Variants in KHDRBS2 observed in about 807,000 individuals in gnomAD.
The protein encoded by KHDRBS2 is KH RNA binding domain containing, signal transduction associated 2.
A neutral mutation model predicts 44.3 loss-of-function variants in KHDRBS2; 26 were observed. The ratio of observed to expected loss-of-function variants is 0.59; its 90% CI spans 0.43 to 0.81. The LOEUF (loss-of-function observed/expected upper bound fraction) is 0.81. Among genes scored for constraint, KHDRBS2 ranks in the 40% least tolerant of loss-of-function variants. KHDRBS2 has a pLI of 0.00. For synonymous variants in KHDRBS2, 194 were observed against 151.1 expected (o/e 1.28, Z -2.08); for missense variants, 476 against 433.1 (o/e 1.10, Z -0.88).
intron 2 of KHDRBS2, among the ~76,000 whole-genome samples, chr6:62,119,359 A>G (rs1807057754): frequency 6.6e-6 from 1 of 152,222 alleles, no homozygotes; most frequent in Admixed American, 6.5e-5. Flanking sequence ...AGTTCGCTGG[A>G]CAAAGTGATG....
intron 6 of KHDRBS2, among the ~76,000 whole-genome samples, chr6:61,733,668 T>C (rs1774854370): frequency 6.6e-6 from 1 of 152,132 alleles, no homozygotes; most frequent in Non-Finnish European, 1.5e-5. Flanking sequence ...AATAATTATG[T>C]GTGATGAGAC....
chr6:61,563,111 T>C, the KHDRBS2 span, among the ~76,000 whole-genome samples: 1 of 152,134 alleles, frequency 6.6e-6, no homozygotes, highest in Non-Finnish European at 1.5e-5. Flanking sequence ...TAACACTGGT[T>C]CCCCAGCTAT....
At position 61,932,711 on chromosome 6, in the gene KHDRBS2, G is replaced by A. The variant is rs771048504; in HGVS notation, c.484-31340C>T. On this transcript the variant is annotated intron_variant, in intron 4 of 8. Transcript: ENST00000281156. ...GCTACTCGGGAGGCAGGAGAATGGC[G>A]TGAACCGGGAGGCGGAGTTTGCAGT... is the stretch of plus-strand genomic sequence containing the variant. 4.6e-5 allele frequency among the ~76,000 whole-genome samples: 7 copies of A among 152,194 alleles called. No homozygotes were observed. The South Asian group carries it at 6.2e-4, about 14-fold the overall frequency.
At chr6:61,974,546 T>C (rs1583894344) in intron 4 of KHDRBS2, among the ~76,000 whole-genome samples, 1 of 152,138 alleles carries the variant, frequency 6.6e-6, no homozygotes. Flanking sequence ...AAAACTTTAA[T>C]ACTTCACCTC....
intron 1 of KHDRBS2, among the ~76,000 whole-genome samples, chr6:62,284,337 T>G (rs1842185850): frequency 1.3e-5 from 2 of 152,136 alleles, no homozygotes; most frequent in African/African-American, 4.8e-5. Context: ...AGACATATTA[T>G]AAGCTACATA....
chr6:62,001,346 G>T (rs1475093391), intron 3 of KHDRBS2, among the ~76,000 whole-genome samples: 1 of 151,362 alleles, frequency 6.6e-6, no homozygotes, highest in Non-Finnish European at 1.5e-5. Context: ...TTATTTTGTG[G>T]GTGTATGACG....
At chr6:62,183,494 G>A (rs1464547022) in intron 1 of KHDRBS2, among the ~76,000 whole-genome samples, 1 of 151,184 alleles carries the variant, frequency 6.6e-6, no homozygotes, top group African/African-American at 2.4e-5. Flanking sequence ...TGAATTACAT[G>A]GTCTTCCAGA....
At chr6:61,716,735 G>A (rs957362989) in intron 7 of KHDRBS2, among the ~76,000 whole-genome samples, 2 of 151,994 alleles carry the variant, frequency 1.3e-5, no homozygotes, top group African/African-American at 2.4e-5. Context: ...TTATTCATAT[G>A]TTAAACTTTT....
intron 6 of KHDRBS2, among the ~76,000 whole-genome samples, chr6:61,829,117 C>G (rs1439652491): frequency 6.6e-6 from 1 of 152,148 alleles, no homozygotes; most frequent in African/African-American, 2.4e-5. Context: ...GTGTATATAG[C>G]TGACATTGTG....
the KHDRBS2 span, among the ~76,000 whole-genome samples, chr6:61,577,408 A>T: frequency 6.6e-6 from 1 of 152,148 alleles, no homozygotes; most frequent in Non-Finnish European, 1.5e-5. Flanking sequence ...ACATGAGGGA[A>T]AGGCCTACAC....
intron 1 of KHDRBS2, among the ~76,000 whole-genome samples, chr6:62,187,763 C>T (rs1471766129): frequency 6.6e-6 from 1 of 151,958 alleles, no homozygotes; most frequent in Non-Finnish European, 1.5e-5. Context: ...GAAATCTATC[C>T]TCTTAACTTA....
At chr6:61,841,750 T>C (rs1793638889) in intron 6 of KHDRBS2, among the ~76,000 whole-genome samples, 1 of 152,218 alleles carries the variant, frequency 6.6e-6, no homozygotes. Context: ...TTATAAAGCA[T>C]ACCCATTTGA....
At chr6:62,098,498 G>A (rs1288367571) in intron 2 of KHDRBS2, among the ~76,000 whole-genome samples, 1 of 92,966 alleles carries the variant, frequency 1.1e-5, no homozygotes, top group Non-Finnish European at 2.4e-5. Flanking sequence ...GATTTCTGCT[G>A]ATAAGTCAGC....
chr6:61,848,498 T>TATAC (rs1262155338), intron 6 of KHDRBS2, among the ~76,000 whole-genome samples: 1 of 63,100 alleles, frequency 1.6e-5, no homozygotes, highest in Non-Finnish European at 3.0e-5. Flanking sequence ...TATGTATATA[T>TATAC]ATATATATAT....
intron 6 of KHDRBS2, among the ~76,000 whole-genome samples, chr6:61,830,068 TA>T (rs1791549345): frequency 6.6e-6 from 1 of 152,200 alleles, no homozygotes; most frequent in Non-Finnish European, 1.5e-5. Flanking sequence ...GCATGCTGAA[TA>T]TAGATGATAG....
At chr6:61,758,645 C>T (rs1003029979) in intron 6 of KHDRBS2, among the ~76,000 whole-genome samples, 5 of 151,868 alleles carry the variant, frequency 3.3e-5, no homozygotes, top group Non-Finnish European at 7.4e-5. Flanking sequence ...CAAATATGGC[C>T]CACAAGAGTA....
intron 3 of KHDRBS2, among the ~76,000 whole-genome samples, chr6:61,985,358 T>C (rs1774850546): frequency 6.6e-6 from 1 of 152,198 alleles, no homozygotes; most frequent in South Asian, 2.1e-4. Context: ...ATATTTCAAA[T>C]ATCAACCTTT....
At chr6:61,848,532 C>CATAT (rs1554236783) in intron 6 of KHDRBS2, among the ~76,000 whole-genome samples, 4 of 28,216 alleles carry the variant, frequency 1.4e-4, no homozygotes, top group African/African-American at 4.3e-4. Flanking sequence ...TATATATATA[C>CATAT]ATATATATGT....
chr6:61,957,976 G>C (rs1292329302), intron 4 of KHDRBS2, among the ~76,000 whole-genome samples: 2 of 151,956 alleles, frequency 1.3e-5, no homozygotes, highest in African/African-American at 2.4e-5. Flanking sequence ...CCAACACTTA[G>C]GGAAAATAGA....
Sources: allele counts gnomAD v4.1 joint callset (sites outside exome capture counted in the v4.1 genomes callset), GRCh38; gene constraint gnomAD v4.1.1; transcripts MANE v1.5; gene names NCBI Gene and HGNC (gene_info 2026-07-23, HGNC 2026-07-21).